Variants in COPB2 observed in about 807,000 individuals in gnomAD.
The protein encoded by COPB2 is coatomer subunit beta'.
A neutral mutation model predicts 120.8 loss-of-function variants in COPB2; 16 were observed. The ratio of observed to expected loss-of-function variants is 0.13; its 90% confidence interval spans 0.09 to 0.20. COPB2 has a LOEUF of 0.20. Ranked by LOEUF, COPB2 falls within the 10% of genes least tolerant of loss-of-function variation. The pLI, the probability that COPB2 is intolerant of heterozygous loss-of-function variation, is 1.00. For missense variants in COPB2, 794 were observed against 1,076.5 expected (o/e 0.74, Z 3.67); for synonymous variants, 332 against 366.3 (o/e 0.91, Z 1.07).
chr3:139,382,111 A>G (rs887439401), intron 2 of COPB2: 5 of 152,168 alleles, frequency 3.3e-5, no homozygotes, highest in African/African-American at 9.7e-5. Flanking sequence ...TTTATATAAA[A>G]TGTCACTGAT....
At chr3:139,369,674 C>G (rs1941586865) in intron 10 of COPB2, 130 bp from the exon 11 acceptor site, 1 of 636,478 alleles carries the variant, frequency 1.6e-6, no homozygotes. Context: ...TGAAGATTAT[C>G]TGATGTACTG....
At position 139,362,457 on chromosome 3, in the gene COPB2, G is replaced by C. The variant is rs765306875; in HGVS notation, c.1945C>G (p.Leu649Val). Residue 649 changes from leucine (L) to valine (V), a missense_variant, in exon 16 of 22, where the codon CTT (leucine) becomes GTT (valine). By Grantham distance (32) the Leu-to-Val change is conservative. Coordinates refer to ENST00000333188, the MANE Select transcript of COPB2 (RefSeq NM_004766.3). Reference protein sequence around the residue: ...TDPEHRFELALQLGELKIAYQ... With the variant: ...TDPEHRFELAVQLGELKIAYQ... ...GCAATTTTTAACTCTCCAAGCTGAA[G>C]AGCAAGCTCAAAACGATGCTCAGGA... 4 of 1,612,610 alleles carry C rather than the reference G, an allele frequency of 2.5e-6. No homozygotes were observed. In the African/African-American group the frequency reaches 5.3e-5, roughly 22 times the overall value.
chr3:139,380,675 A>T (rs1411055970), intron 2 of COPB2: 1 of 152,202 alleles, frequency 6.6e-6, no homozygotes, highest in African/African-American at 2.4e-5. Context: ...TGCACTAAAA[A>T]AGTAATAGGG....
At chr3:139,366,468 A>G (rs1046418412) in intron 15 of COPB2, 100 bp downstream of exon 15, 2 of 1,052,664 alleles carry the variant, frequency 1.9e-6, no homozygotes, top group African/African-American at 3.2e-5. Context: ...GCCACAGGAA[A>G]TCAGTTGGCA....
chr3:139,374,645 C>T lies in COPB2; in HGVS notation c.652-57G>A. ...TAATGAAAAACATGTAACCAGCCCG[C>T]CCTTAATTTTCTCAGTGTACAGATA... On this transcript the variant is annotated intron_variant, in intron 6 of 21. Coordinates refer to ENST00000333188, the MANE Select transcript of COPB2 (RefSeq NM_004766.3). The T allele has an allele frequency of 4.2e-6, 6 of 1,421,324 alleles. No individual in the cohort carries two copies. The South Asian group carries it at 7.2e-5, about 17-fold the overall frequency. The allele number at this position is 1,421,324 out of a possible 1,614,324, so 88.0% of individuals were successfully genotyped here. A position where few individuals can be genotyped will look rare whatever the true frequency, so the allele number is the denominator to read the frequency against.
Position 139,359,307 on chromosome 3 carries a change from A to C in COPB2, c.2266T>G (p.Phe756Val), listed in dbSNP as rs558372234. The change falls in exon 18 of 22, where the codon TTC (phenylalanine) becomes GTC (valine). Residue 756 changes from phenylalanine (F) to valine (V), a missense_variant. This residue lies in a region of COPB2 where 178 missense variants were observed against 183.2 expected (regional missense o/e 0.97). Transcript: ENST00000333188. ...CTGGGTAAGTAAGTTCGGGCCAAGA[A>C]GGCAGCTTCTGGCAGCCGTCCAGTT... ...IRTGRLPEAA[F>V]LARTYLPSQV... The C allele has an allele frequency of 1.2e-6, 2 of 1,614,212 alleles. No homozygotes were observed. The highest frequency in any genetic ancestry group is 1.7e-6 in the Non-Finnish European group (2 of 1,180,026).
chr3:139,369,218 C>G lies in COPB2; in HGVS notation c.1401+43G>C, dbSNP rs191931179. ...GGCCTTAGGGACCCAGAACTCATCA[C>G]AAAAATAAATATTCCAAAAACAACA... On this transcript the variant is annotated intron_variant, in intron 12 of 21. Coordinates refer to ENST00000333188, the MANE Select transcript of COPB2 (RefSeq NM_004766.3). 86 of 1,542,680 alleles carry G rather than the reference C, an allele frequency of 5.6e-5. No individual in the cohort carries two copies. In the African/African-American group the frequency reaches 1.1e-3, roughly 20 times the overall value.
chr3:139,374,750 A>G (rs372454521), intron 6 of COPB2, among the ~76,000 whole-genome samples, 162 bp from the exon 7 acceptor site: 1 of 152,196 alleles, frequency 6.6e-6, no homozygotes, highest in South Asian at 2.1e-4. Flanking sequence ...CTTGTTGTAT[A>G]TATGAATATT....
At chr3:139,377,137 T>C (rs1941728520) in intron 5 of COPB2, among the ~76,000 whole-genome samples, 1 of 152,224 alleles carries the variant, frequency 6.6e-6, no homozygotes, top group Non-Finnish European at 1.5e-5. Context: ...GGTAAGGCAC[T>C]TTGCTGTTTG....
intron 6 of COPB2, 141 bp downstream of exon 6, chr3:139,375,327 G>T: frequency 1.5e-6 from 1 of 674,846 alleles, no homozygotes; most frequent in Non-Finnish European, 2.2e-6. Context: ...GAGAATTCTG[G>T]GAACACAGTT....
In COPB2 at chr3:139,367,565, G is replaced by C. The variant is rs1941541868; in HGVS notation, c.1546-420C>G. Among the ~76,000 whole-genome samples, 3 of 151,960 alleles carry C rather than the reference G, an allele frequency of 2.0e-5. No homozygotes were observed. In the South Asian group the frequency reaches 6.2e-4, roughly 32 times the overall value. On this transcript the variant is annotated intron_variant, in intron 13 of 21. Transcript: ENST00000333188. The stretch of plus-strand genomic sequence containing the variant: ...GGCCTCCCAAAGTGCTGGGATTATA[G>C]GTGTGAGCCACTGCACCCCGCTGGA...
At chr3:139,365,056 A>C (rs967941277) in intron 15 of COPB2, among the ~76,000 whole-genome samples, 25 of 152,242 alleles carry the variant, frequency 1.6e-4, no homozygotes, top group African/African-American at 5.8e-4. Context: ...TCAGTGCAGG[A>C]CATACAACAT....
At position 139,379,139 on chromosome 3, in the gene COPB2, G is replaced by A. The variant is rs1941764861; in HGVS notation, c.263C>T (p.Thr88Ile). Reference sequence around the variant, plus strand: ...TTCAAACATATGAACTCTCTCCAGAGTATTGTAATTGAACACTCTAATCTG... The same window carrying A: ...TTCAAACATATGAACTCTCTCCAGAATATTGTAATTGAACACTCTAATCTG... ...DMQIRVFNYN[T>I]LERVHMFEAH... The change falls in exon 4 of 22, where the codon ACT (threonine) becomes ATT (isoleucine). Residue 88 changes from threonine to isoleucine, a missense_variant. Physicochemically the swap from Thr to Ile is moderately conservative, Grantham distance 89 (BLOSUM62 -1). Transcript: ENST00000333188. 2.5e-6 allele frequency: 4 copies of A among 1,610,460 alleles called. No individual in the cohort carries two copies. Among genetic ancestry groups the A allele is most frequent in the Non-Finnish European group, 3.4e-6 (4 of 1,179,048 alleles).
intron 12 of COPB2, among the ~76,000 whole-genome samples, chr3:139,368,646 T>C (rs1341380313): frequency 1.4e-4 from 21 of 152,198 alleles, no homozygotes; most frequent in Admixed American, 1.2e-3. Flanking sequence ...ATTTTTCTAA[T>C]CACCTCCCCC....
chr3:139,377,729 G>A (rs1334061442), intron 5 of COPB2, among the ~76,000 whole-genome samples: 2 of 152,182 alleles, frequency 1.3e-5, no homozygotes, highest in Non-Finnish European at 2.9e-5. Flanking sequence ...AATACTAAAA[G>A]GAGAGGACAG....
chr3:139,382,642 C>G (rs571053805), intron 2 of COPB2: 1 of 152,178 alleles, frequency 6.6e-6, no homozygotes, highest in East Asian at 1.9e-4. Context: ...ATTTCAAGAA[C>G]TTAACTTTGG....
In COPB2 at chr3:139,362,428, G is replaced by T; in HGVS notation, c.1974C>A (p.Tyr658Ter). The change falls in exon 16 of 22, where the codon TAC (tyrosine) becomes TAA (stop). Residue 658 changes from tyrosine (Y) to a stop codon, truncating the protein, a stop_gained. Transcript: ENST00000333188. LOFTEE classifies it high-confidence loss of function. ...ATACCTCTGCTTCCACTGCTAACTG[G>T]TATGCAATTTTTAACTCTCCAAGCT... ...ALQLGELKIA[Y>*]QLAVEAESEQ... The T allele has an allele frequency of 6.2e-7, 1 of 1,610,460 alleles. No individual in the cohort carries two copies.
chr3:139,371,728 A>G lies in COPB2; in HGVS notation c.1200T>C (p.Ser400=). 6.2e-7 allele frequency: 1 copy of G among 1,613,576 alleles called. No homozygotes were observed. Among genetic ancestry groups the G allele is most frequent in the Non-Finnish European group, 8.5e-7 (1 of 1,179,544 alleles). ...SAQEFAWAHD[S]SEYAIRESNS... ...ATCATACAATCAAAACTTACTCTGA[A>G]GAATCGTGGGCCCATGCAAACTCCT... is the stretch of plus-strand genomic sequence containing the variant. Residue 400 remains serine, a synonymous_variant, in exon 10 of 22, where the codon TCT becomes TCC. Transcript: ENST00000333188.
At chr3:139,359,588 TATA>T (rs1941371861) in intron 17 of COPB2, among the ~76,000 whole-genome samples, 1 of 152,276 alleles carries the variant, frequency 6.6e-6, no homozygotes, top group Admixed American at 6.5e-5. Flanking sequence ...ACTTAATTAT[TATA>T]ATTCCTAAGA....
Sources: allele counts gnomAD v4.1 joint callset (sites outside exome capture counted in the v4.1 genomes callset), GRCh38; gene constraint gnomAD v4.1.1; regional missense constraint gnomAD v4.1.1; transcripts MANE v1.5; gene names NCBI Gene and HGNC (gene_info 2026-07-23, HGNC 2026-07-21).